Variants in DPH1 observed in about 807,000 individuals in gnomAD.
DPH1 encodes the protein diphthamide biosynthesis 1.
Under a neutral mutation model 55.3 loss-of-function variants are expected in DPH1, and 59 were observed. The observed-to-expected ratio is 1.07, with a 90% CI of 0.87 to 1.33. The LOEUF is 1.33. DPH1 is among the 40% of genes most tolerant of loss of function. The pLI, the probability that DPH1 is intolerant of heterozygous loss-of-function variation, is 0.00. For missense variants in DPH1, 628 were observed against 584.8 expected, an observed-to-expected ratio of 1.07 and a Z score of -0.76; for synonymous variants, 238 against 235.5, an observed-to-expected ratio of 1.01 and a Z score of -0.10.
intron 3 of DPH1, among the ~76,000 whole-genome samples, chr17:2,035,725 CT>C (rs2067413307): frequency 1.3e-5 from 2 of 152,138 alleles, no homozygotes; most frequent in African/African-American, 4.8e-5. Flanking sequence ...CTCCTGCAGC[CT>C]GAGCCTGGGT....
At chr17:2,042,531 T>TG in intron 12 of DPH1, 74 bp from the exon 13 acceptor site, 1 of 1,484,142 alleles carries the variant, frequency 6.7e-7, no homozygotes, top group South Asian at 1.5e-5. Flanking sequence ...CGAACCCTCC[T>TG]GCCCTTTCTC....
intron 1 of DPH1, chr17:2,033,291 G>A (rs1220028112): frequency 1.5e-6 from 1 of 668,412 alleles, no homozygotes; most frequent in African/African-American, 1.8e-5. Context: ...GGTGACTGTT[G>A]TTTATTATCT....
At chr17:2,037,163 T>A in intron 6 of DPH1, 1 of 640,976 alleles carries the variant, frequency 1.6e-6, no homozygotes, top group Non-Finnish European at 2.4e-6. Context: ...TCCAGAAGGC[T>A]GTGCAGGGTG....
intron 12 of DPH1, 137 bp from the exon 13 acceptor site, chr17:2,042,468 C>G (rs557979321): frequency 2.3e-6 from 3 of 1,332,190 alleles, no homozygotes; most frequent in Admixed American, 3.0e-5. Context: ...TCATTTCCCC[C>G]CTCTCATTTC....
In DPH1 at chr17:2,042,675, A is replaced by G; in HGVS notation, c.*89A>G. The G allele has an allele frequency of 1.3e-6, 2 of 1,526,124 alleles. No homozygotes were observed. Among genetic ancestry groups the G allele is most frequent in the Non-Finnish European group, 1.8e-6 (2 of 1,140,240 alleles). 94.5% of individuals were successfully genotyped at this position (1,526,124 alleles called of 1,614,324 possible). On this transcript the variant is annotated 3_prime_UTR_variant, in exon 13 of 13. Coordinates refer to ENST00000263083, the MANE Select transcript of DPH1 (RefSeq NM_001383.6). ...AGCAGGAGGCCGACGTTTTCTCCGC[A>G]TTGGAAGAGCCCGCCGTCTGCAGGG...
intron 1 of DPH1, among the ~76,000 whole-genome samples, chr17:2,032,354 C>A (rs1377260254): frequency 6.6e-6 from 1 of 152,148 alleles, no homozygotes; most frequent in African/African-American, 2.4e-5. Context: ...CACCTCTGTT[C>A]TCCTGAGGAA....
Position 2,036,587 on chromosome 17 carries a change from G to C in DPH1, c.459G>C (p.Arg153=). Residue 153 remains arginine, a synonymous_variant, in exon 5 of 13, where the codon CGG becomes CGC. Transcript: ENST00000263083. This position sits in a 1 kb window ranked among gnomAD's most constrained non-coding sequence, Gnocchi z 4.8. ...TGCTGTACGTCTTTGTGGACATCCGGATAGACACTACACACCTCCTGGACT... is the reference window on the plus strand; with the variant it reads ...TGCTGTACGTCTTTGTGGACATCCGCATAGACACTACACACCTCCTGGACT... ...FRVLYVFVDI[R]IDTTHLLDSL... 1.2e-6 allele frequency: 2 copies of C among 1,614,060 alleles called. No homozygotes were observed. Among genetic ancestry groups the C allele is most frequent in the Admixed American group, 3.3e-5 (2 of 60,008 alleles).
At chr17:2,035,471 T>TGGGGAGGTAGTGGGGGTCCAGGC (rs2067405239) in intron 3 of DPH1, among the ~76,000 whole-genome samples, 1 of 12,270 alleles carries the variant, frequency 8.1e-5, no homozygotes, top group Non-Finnish European at 1.9e-4. Context: ...GGGGTCCGGG[T>TGGGGAGGTAGTGGGGGTCCAGGC]GAGGGGGCCC....
chr17:2,041,299 T>G, intron 10 of DPH1, 118 bp downstream of exon 10: 1 of 1,471,526 alleles, frequency 6.8e-7, no homozygotes, highest in Non-Finnish European at 9.3e-7. Context: ...GGAGTCTGTC[T>G]CGATTTCTCC....
rs1217838504 is a variant in DPH1, at chr17:2,030,209, G to T, written c.40G>T (p.Gly14Cys). 1.9e-6 allele frequency: 3 copies of T among 1,594,510 alleles called. No homozygotes were observed. Among genetic ancestry groups the T allele is most frequent in the Non-Finnish European group, 2.6e-6 (3 of 1,171,604 alleles). The change falls in exon 1 of 13, where the codon GGC (glycine) becomes TGC (cysteine). Residue 14 changes from glycine to cysteine, a missense_variant. Physicochemically the swap from Gly to Cys is radical, Grantham distance 159. Transcript: ENST00000263083. ...LVVSGAAEQG[G>C]RDGPGRGRAP... ...CGTATCCGGGGCAGCGGAGCAGGGC[G>T]GCCGAGACGGCCCTGGCAGAGGTGG...
At position 2,040,386 on chromosome 17, in the gene DPH1, C is replaced by A. The variant is rs779249518; in HGVS notation, c.906+12C>A. 2.5e-6 allele frequency: 4 copies of A among 1,613,802 alleles called. No homozygotes were observed. The highest frequency in any genetic ancestry group is 2.5e-6 in the Non-Finnish European group (3 of 1,179,920). The stretch of plus-strand genomic sequence containing the variant: ...CTAAGATCCTGGAGGTCAGTGGGCT[C>A]AGGACAGCCTCTGGAGGAGGGAAGT... On this transcript the variant is annotated intron_variant, in intron 8 of 12. Transcript: ENST00000263083.
intron 9 of DPH1, 115 bp from the exon 10 acceptor site, chr17:2,040,988 G>A (rs1483407100): frequency 4.0e-6 from 4 of 1,006,186 alleles, no homozygotes; most frequent in Non-Finnish European, 4.5e-6. Context: ...TTTACTTTAG[G>A]ATTCATAAAG....
At chr17:2,042,486 C>T (rs544974435) in intron 12 of DPH1, 119 bp from the exon 13 acceptor site, 16 of 1,405,394 alleles carry the variant, frequency 1.1e-5, no homozygotes, top group South Asian at 1.7e-5. Context: ...TTCCCCCAGA[C>T]TTTTGCCTCG....
In DPH1 at chr17:2,043,215, C is replaced by G. The variant is rs1000201625; in HGVS notation, c.*629C>G. 27 of 1,306,782 alleles carry G rather than the reference C, an allele frequency of 2.1e-5. No homozygotes were observed. Among genetic ancestry groups the G allele is most frequent in the Non-Finnish European group, 2.8e-5 (27 of 952,192 alleles). The allele number at this position is 1,306,782 out of a possible 1,614,324, so 80.9% of individuals were successfully genotyped here. ...CTGCTGTGAGTGCGCCTCACCAGAA[C>G]CAGTTAAGAGACAACTATCAATTCT... is the stretch of plus-strand genomic sequence containing the variant. On this transcript the variant is annotated 3_prime_UTR_variant, in exon 13 of 13. Coordinates refer to ENST00000263083, the MANE Select transcript of DPH1 (RefSeq NM_001383.6).
chr17:2,040,393 G>C lies in DPH1; in HGVS notation c.906+19G>C, dbSNP rs1361228026. On this transcript the variant is annotated intron_variant, in intron 8 of 12. Transcript: ENST00000263083. Reference sequence around the variant, plus strand: ...CCTGGAGGTCAGTGGGCTCAGGACAGCCTCTGGAGGAGGGAAGTGACTGGG... The same window carrying C: ...CCTGGAGGTCAGTGGGCTCAGGACACCCTCTGGAGGAGGGAAGTGACTGGG... The C allele has an allele frequency of 6.2e-7, 1 of 1,613,494 alleles. No homozygotes were observed. The highest frequency in any genetic ancestry group is 8.5e-7 in the Non-Finnish European group (1 of 1,179,766).
chr17:2,031,159 A>C (rs1052757151), intron 1 of DPH1, among the ~76,000 whole-genome samples: 1 of 152,136 alleles, frequency 6.6e-6, no homozygotes. Context: ...AGTGGCTTAC[A>C]CCTTTAGTCT....
intron 1 of DPH1, among the ~76,000 whole-genome samples, chr17:2,032,801 C>T (rs1251837040): frequency 3.9e-5 from 6 of 152,144 alleles, no homozygotes; most frequent in Non-Finnish European, 8.8e-5. Context: ...TGGAGTGCAG[C>T]GGCGTGATCT....
intron 1 of DPH1, among the ~76,000 whole-genome samples, chr17:2,031,565 C>CA (rs56410346): frequency 0.39 from 27,206 of 69,590 alleles, 5,644 homozygotes; most frequent in East Asian, 0.64. Context: ...GACTCTGTCT[C>CA]AAAAAAAAAA....
upstream of DPH1, chr17:2,030,141 C>CT (rs1293213481): frequency 1.9e-6 from 3 of 1,594,112 alleles, no homozygotes; most frequent in Non-Finnish European, 2.6e-6. Flanking sequence ...CCAGCGCTGT[C>CT]TTTTTAGTAC....
Sources: allele counts gnomAD v4.1 joint callset (sites outside exome capture counted in the v4.1 genomes callset), GRCh38; gene constraint gnomAD v4.1.1; non-coding constraint Gnocchi (gnomAD v3.1); transcripts MANE v1.5; gene names NCBI Gene and HGNC (gene_info 2026-07-23, HGNC 2026-07-21).